The following MTMR2 variants were observed in gnomAD, a reference collection of about 807,000 sequenced individuals.
MTMR2 encodes phosphatidylinositol-3,5-bisphosphate 3-phosphatase MTMR2.
MTMR2 carries 55 observed loss-of-function variants against 86.9 expected under a neutral mutation model. The observed-to-expected ratio is 0.63, with a 90% CI of 0.51 to 0.79. The LOEUF (loss-of-function observed/expected upper bound fraction) is 0.79. MTMR2 is among the 30% of genes least tolerant of loss of function. The probability of loss-of-function intolerance (pLI) is 0.00; values close to 1 mark genes in which losing one functional copy is unlikely to be tolerated. For synonymous variants in MTMR2, 241 were observed against 266.8 expected (o/e 0.90, Z 0.94); for missense variants, 659 against 772.3 (o/e 0.85, Z 1.74).
At chr11:95,904,037 C>T (rs1591040792) in intron 1 of MTMR2, among the ~76,000 whole-genome samples, 1 of 152,096 alleles carries the variant, frequency 6.6e-6, no homozygotes, top group South Asian at 2.1e-4. Flanking sequence ...ATCACTTGAA[C>T]CCGGGAGGTG....
chr11:95,891,949 C>G (rs1865730709), intron 1 of MTMR2, among the ~76,000 whole-genome samples: 1 of 152,122 alleles, frequency 6.6e-6, no homozygotes, highest in African/African-American at 2.4e-5. Flanking sequence ...GTTAAAACTT[C>G]TGGTATAAAC....
intron 2 of MTMR2, among the ~76,000 whole-genome samples, chr11:95,883,436 G>A (rs1274451485): frequency 6.6e-6 from 1 of 152,100 alleles, no homozygotes; most frequent in Admixed American, 6.5e-5. Context: ...CTATGTAAAA[G>A]AATACTACAT....
At chr11:95,894,349 T>C (rs1271632864) in intron 1 of MTMR2, among the ~76,000 whole-genome samples, 9 of 152,154 alleles carry the variant, frequency 5.9e-5, no homozygotes, top group Non-Finnish European at 1.3e-4. Context: ...TTTACTACAA[T>C]CTTCTGTGAG....
chr11:95,852,688 T>A (rs1864065564), intron 7 of MTMR2, among the ~76,000 whole-genome samples: 1 of 152,172 alleles, frequency 6.6e-6, no homozygotes, highest in Non-Finnish European at 1.5e-5. Context: ...TTATACAGAT[T>A]TTTACCCATG....
In MTMR2 at chr11:95,835,134, G is replaced by A; in HGVS notation, c.*156C>T. On this transcript the variant is annotated 3_prime_UTR_variant, in exon 15 of 15. Coordinates refer to ENST00000346299, the MANE Select transcript of MTMR2 (RefSeq NM_016156.6). ...TTACTTCACTTAAGCCACCTGCACT[G>A]CTACAGTTCTAAACTCATCCTAGAG... 1 of 766,800 alleles carries A rather than the reference G, an allele frequency of 1.3e-6. No individual in the cohort carries two copies. Among genetic ancestry groups the A allele is most frequent in the Non-Finnish European group, 2.2e-6 (1 of 458,312 alleles). 47.5% of individuals were successfully genotyped at this position (766,800 alleles called of 1,614,324 possible). A position where few individuals can be genotyped will look rare whatever the true frequency, so the allele number is the denominator to read the frequency against.
At chr11:95,890,818 C>G (rs1026414538) in intron 1 of MTMR2, among the ~76,000 whole-genome samples, 2 of 152,180 alleles carry the variant, frequency 1.3e-5, no homozygotes, top group African/African-American at 4.8e-5. Flanking sequence ...GCAGAAGGAT[C>G]ACTTGAGCCC....
intron 12 of MTMR2, 68 bp from the exon 13 acceptor site, chr11:95,838,275 T>C (rs1174565467): frequency 4.6e-6 from 4 of 865,804 alleles, no homozygotes; most frequent in Non-Finnish European, 7.9e-6. Flanking sequence ...CTGTCATGGG[T>C]AGATCCTTTT....
intron 1 of MTMR2, among the ~76,000 whole-genome samples, chr11:95,898,071 T>A (rs954691944): frequency 6.6e-6 from 1 of 152,112 alleles, no homozygotes; most frequent in African/African-American, 2.4e-5. Context: ...TTTCAAATAC[T>A]ACATATGGTT....
intron 12 of MTMR2, among the ~76,000 whole-genome samples, chr11:95,841,157 G>A (rs1452722134): frequency 3.9e-5 from 6 of 151,928 alleles, no homozygotes; most frequent in Admixed American, 3.9e-4. Flanking sequence ...ACTGGATGTA[G>A]TATGTGCCTC....
intron 1 of MTMR2, among the ~76,000 whole-genome samples, chr11:95,908,353 T>C (rs186363344): frequency 3.9e-5 from 6 of 152,168 alleles, no homozygotes; most frequent in South Asian, 4.1e-4. Context: ...TGCAAGCAAA[T>C]TGAAACACAT....
At chr11:95,900,552 T>A (rs1324432810) in intron 1 of MTMR2, among the ~76,000 whole-genome samples, 1 of 152,120 alleles carries the variant, frequency 6.6e-6, no homozygotes, top group Admixed American at 6.5e-5. Context: ...AGGCACGGAC[T>A]GCCTCAACTT....
chr11:95,838,048 G>A, intron 13 of MTMR2, 46 bp downstream of exon 13: 1 of 1,181,262 alleles, frequency 8.5e-7, no homozygotes, highest in South Asian at 1.2e-5. Context: ...TTAGGGAAAA[G>A]TATACAGTAG....
At chr11:95,891,906 G>C (rs116374886) in intron 1 of MTMR2, among the ~76,000 whole-genome samples, 166 of 152,258 alleles carry the variant, frequency 1.1e-3, no homozygotes, top group African/African-American at 3.9e-3. Context: ...GAGAGCATGA[G>C]AGAGCAAGTA....
rs142546018 is a variant in MTMR2 at position 95,886,984 on chromosome 11, T to C, written c.186+1172A>G. On this transcript the variant is annotated intron_variant, in intron 2 of 14. Coordinates refer to ENST00000346299, the MANE Select transcript of MTMR2 (RefSeq NM_016156.6). ...TAGCATGAAGTTTTCATAATTAGCA[T>C]AAGATATATGCAGATTACGAAGATA... 3.5e-3 allele frequency among the ~76,000 whole-genome samples: 531 copies of C among 152,298 alleles called. 4 individuals carry two copies. Among genetic ancestry groups the C allele is most frequent in the African/African-American group, 0.012 (507 of 41,582 alleles).
intron 1 of MTMR2, among the ~76,000 whole-genome samples, chr11:95,894,833 A>G (rs987651028): frequency 2.0e-5 from 3 of 152,196 alleles, no homozygotes; most frequent in Admixed American, 6.5e-5. Flanking sequence ...AAGAGGGTAC[A>G]TGATTACATC....
At chr11:95,870,449 GAAAT>G (rs1864812203) in intron 2 of MTMR2, among the ~76,000 whole-genome samples, 1 of 152,088 alleles carries the variant, frequency 6.6e-6, no homozygotes, top group Non-Finnish European at 1.5e-5. Flanking sequence ...ATCTACGAAA[GAAAT>G]AGAATCCTGG....
At chr11:95,914,735 G>A (rs1866637702) in intron 1 of MTMR2, among the ~76,000 whole-genome samples, 1 of 152,048 alleles carries the variant, frequency 6.6e-6, no homozygotes, top group Non-Finnish European at 1.5e-5. Flanking sequence ...AACCTGCCCT[G>A]GGACTGCCCT....
At chr11:95,855,380 C>T (rs1864172107) in intron 7 of MTMR2, among the ~76,000 whole-genome samples, 2 of 151,802 alleles carry the variant, frequency 1.3e-5, no homozygotes. Flanking sequence ...CTCAGCCTCC[C>T]AAGTAGCTGG....
Position 95,916,268 on chromosome 11 carries a change from CA to C in MTMR2, c.80+7606del, listed in dbSNP as rs560754339. Among the ~76,000 whole-genome samples the C allele has an allele frequency of 9.2e-5, 14 of 152,286 alleles. No individual in the cohort carries two copies. The East Asian group carries it at 2.5e-3, about 27-fold the overall frequency. On this transcript the variant is annotated intron_variant, in intron 1 of 14. Transcript: ENST00000346299. Reference sequence around the variant, plus strand: ...GACAGAACCTCCAAATTTAGCTCAGCACAAAGGCCTCACAGATGAGACTGCC... The same window carrying C: ...GACAGAACCTCCAAATTTAGCTCAGCCAAAGGCCTCACAGATGAGACTGCC...
Sources: gnomAD v4.1 joint callset for allele counts (sites outside exome capture counted in the v4.1 genomes callset) on GRCh38, gnomAD v4.1.1 for gene constraint, MANE v1.5 for transcripts, NCBI Gene and HGNC (gene_info 2026-07-23, HGNC 2026-07-21) for gene names.